The following FLACC1 variants were observed in gnomAD, a reference collection of about 807,000 sequenced individuals.
FLACC1 encodes flagellum-associated coiled-coil domain-containing protein 1.
In FLACC1, 66 loss-of-function variants were observed where a neutral mutation model predicts 62.8. That is an observed-to-expected ratio of 1.05 (90% CI 0.86 to 1.29). FLACC1 has a LOEUF of 1.29. FLACC1 is among the 50% of genes most tolerant of loss of function. The pLI is 0.00. For synonymous variants in FLACC1, 156 were observed against 161.0 expected (o/e 0.97, Z 0.24); for missense variants, 452 against 489.1 (o/e 0.92, Z 0.71).
intron 11 of FLACC1, among the ~76,000 whole-genome samples, chr2:201,299,779 T>C (rs1949938631): frequency 6.6e-6 from 1 of 152,168 alleles, no homozygotes; most frequent in African/African-American, 2.4e-5. Flanking sequence ...ACTTCAGTAG[T>C]CAAGACAATG....
chr2:201,293,677 A>G (rs982595669), intron 12 of FLACC1, among the ~76,000 whole-genome samples: 4 of 152,172 alleles, frequency 2.6e-5, no homozygotes, highest in African/African-American at 9.7e-5. Context: ...AGATCAGAGC[A>G]GAACTGAAGG....
At position 201,309,198 on chromosome 2, in the gene FLACC1, C is replaced by G; in HGVS notation, c.728G>C (p.Trp243Ser). 1 of 1,614,094 alleles carries G rather than the reference C, an allele frequency of 6.2e-7. No homozygotes were observed. Among genetic ancestry groups the G allele is most frequent in the Non-Finnish European group, 8.5e-7 (1 of 1,179,990 alleles). ...TCGCTCGAACTTCTCATCCTTCTTC[C>G]ATTTCGCCTTCTGTTTTGACCACTT... ...EEKWSKQKAK[W>S]KKDEKFEREN... is the part of the protein sequence containing the mutation. Residue 243 changes from tryptophan to serine, a missense_variant, in exon 10 of 15, where the codon TGG (tryptophan) becomes TCG (serine). Coordinates refer to ENST00000392257, the MANE Select transcript of FLACC1 (RefSeq NM_001127391.3).
At chr2:201,289,602 A>G (rs764596585) in intron 13 of FLACC1, 36 bp from the exon 14 acceptor site, 3 of 1,613,134 alleles carry the variant, frequency 1.9e-6, no homozygotes, top group Non-Finnish European at 2.5e-6. Flanking sequence ...ATCTTCCCCA[A>G]CCCAGAGCCA....
intron 11 of FLACC1, among the ~76,000 whole-genome samples, chr2:201,303,817 A>G (rs1950042780): frequency 6.6e-6 from 1 of 152,244 alleles, no homozygotes; most frequent in South Asian, 2.1e-4. Context: ...CAACAGTACC[A>G]AAGACAAAAA....
intron 11 of FLACC1, among the ~76,000 whole-genome samples, chr2:201,305,645 T>C (rs1328377428): frequency 6.6e-6 from 1 of 152,214 alleles, no homozygotes; most frequent in African/African-American, 2.4e-5. Flanking sequence ...GTATGTTTAT[T>C]GTGGCACTAT....
At chr2:201,317,376 C>T (rs1950325972) in intron 9 of FLACC1, among the ~76,000 whole-genome samples, 1 of 152,206 alleles carries the variant, frequency 6.6e-6, no homozygotes, top group Non-Finnish European at 1.5e-5. Context: ...TTAATGTGCA[C>T]AAATCAGTAG....
At chr2:201,317,910 G>A (rs1287290880) in intron 9 of FLACC1, among the ~76,000 whole-genome samples, 1 of 152,128 alleles carries the variant, frequency 6.6e-6, no homozygotes, top group Non-Finnish European at 1.5e-5. Context: ...ATAGACCAAT[G>A]GAACAGAACA....
chr2:201,291,270 AC>A (rs1949728458), intron 12 of FLACC1, among the ~76,000 whole-genome samples: 1 of 151,976 alleles, frequency 6.6e-6, no homozygotes, highest in South Asian at 2.1e-4. Flanking sequence ...ACTGGGAGGC[AC>A]CCCCCAGTAG....
chr2:201,289,720 A>G lies in FLACC1; in HGVS notation c.1008T>C (p.Tyr336=). The G allele has an allele frequency of 6.2e-7, 1 of 1,614,136 alleles. No individual in the cohort carries two copies. Among genetic ancestry groups the G allele is most frequent in the Non-Finnish European group, 8.5e-7 (1 of 1,180,004 alleles). Residue 336 remains tyrosine (Y), a synonymous_variant, in exon 13 of 15, where the codon TAT becomes TAC. Coordinates refer to ENST00000392257, the MANE Select transcript of FLACC1 (RefSeq NM_001127391.3). ...ILESLNTNLY[Y]TQLELQKEKA... Reference sequence around the variant, plus strand: ...CCTCTTTCTGGAGTTCCAACTGGGTATAGTAGAGGTTTGTGTTCAGTGACT... The same window carrying G: ...CCTCTTTCTGGAGTTCCAACTGGGTGTAGTAGAGGTTTGTGTTCAGTGACT...
At chr2:201,356,515 GCTT>G (rs77687734) in intron 1 of FLACC1, among the ~76,000 whole-genome samples, 13,181 of 152,208 alleles carry the variant, frequency 0.087, 727 homozygotes, top group Non-Finnish European at 0.13. Context: ...ACTTCTCATA[GCTT>G]CTTAAGTGGG....
intron 9 of FLACC1, among the ~76,000 whole-genome samples, chr2:201,320,215 C>T (rs1357634525): frequency 3.9e-5 from 6 of 152,186 alleles, no homozygotes; most frequent in Non-Finnish European, 8.8e-5. Flanking sequence ...AGGCAGTGGT[C>T]GCAGGTTGAA....
At chr2:201,315,352 T>A (rs1472192037) in intron 9 of FLACC1, among the ~76,000 whole-genome samples, 1 of 151,962 alleles carries the variant, frequency 6.6e-6, no homozygotes, top group Admixed American at 6.6e-5. Context: ...AGGAAAGGGG[T>A]GGAAAAAGAC....
chr2:201,315,067 C>A (rs931219540), intron 9 of FLACC1, among the ~76,000 whole-genome samples: 2 of 152,066 alleles, frequency 1.3e-5, no homozygotes, highest in Non-Finnish European at 2.9e-5. Context: ...CCTGGAAACA[C>A]ATCAAAACAG....
chr2:201,312,400 C>T (rs954457278), intron 9 of FLACC1, among the ~76,000 whole-genome samples: 23 of 152,100 alleles, frequency 1.5e-4, no homozygotes, highest in African/African-American at 4.1e-4. Context: ...CTATAAATTG[C>T]TGCTGAAAGA....
At chr2:201,297,629 G>C (rs1949892899) in intron 12 of FLACC1, among the ~76,000 whole-genome samples, 1 of 152,202 alleles carries the variant, frequency 6.6e-6, no homozygotes, top group Non-Finnish European at 1.5e-5. Flanking sequence ...ATTTACTTGT[G>C]ATTTTAACAA....
At chr2:201,298,730 A>T (rs1427790195) in intron 12 of FLACC1, among the ~76,000 whole-genome samples, 1 of 152,234 alleles carries the variant, frequency 6.6e-6, no homozygotes, top group African/African-American at 2.4e-5. Context: ...CAGTGATGGA[A>T]GAATCACACA....
rs1404447106 is a variant in FLACC1, at chr2:201,351,340, A to G, written c.65T>C (p.Leu22Pro). 6.2e-7 allele frequency: 1 copy of G among 1,614,200 alleles called. No homozygotes were observed. The highest frequency in any genetic ancestry group is 8.5e-7 in the Non-Finnish European group (1 of 1,180,032). Residue 22 changes from leucine to proline, a missense_variant, in exon 2 of 15, where the codon CTA becomes CCA. Coordinates refer to ENST00000392257, the MANE Select transcript of FLACC1 (RefSeq NM_001127391.3). The stretch of plus-strand genomic sequence containing the variant: ...GCGTGGTAGTTGAGGGGTCTTGATT[A>G]GCTTCCGTGGTCCCAAGTTCCAGGG... ...WDPWNLGPRKLIKTPQLPRKN... is the reference protein window; with the variant it reads ...WDPWNLGPRKPIKTPQLPRKN...
chr2:201,312,969 A>G (rs1041877756), intron 9 of FLACC1, among the ~76,000 whole-genome samples: 5 of 152,224 alleles, frequency 3.3e-5, no homozygotes, highest in Admixed American at 6.5e-5. Flanking sequence ...GGTCTAGATC[A>G]TGGGAGAAGA....
intron 7 of FLACC1, among the ~76,000 whole-genome samples, chr2:201,335,266 ACT>A (rs1457529250): frequency 3.4e-5 from 5 of 148,132 alleles, no homozygotes; most frequent in Non-Finnish European, 7.6e-5. Flanking sequence ...GTTTTTCTAG[ACT>A]CTATTTCATT....
Sources: allele counts gnomAD v4.1 joint callset (sites outside exome capture counted in the v4.1 genomes callset), GRCh38; gene constraint gnomAD v4.1.1; transcripts MANE v1.5; gene names NCBI Gene and HGNC (gene_info 2026-07-23, HGNC 2026-07-21).